PARD3: variants seen among roughly 807,000 people sequenced by gnomAD.
The protein encoded by PARD3 is partitioning defective 3 homolog.
In PARD3, 75 loss-of-function variants were observed where a neutral mutation model predicts 155.4. That is an observed-to-expected ratio of 0.48 (90% confidence interval 0.40 to 0.58). PARD3 has a LOEUF of 0.58. PARD3 is among the 20% of genes least tolerant of loss of function. The pLI is 0.00. For synonymous variants in PARD3, 576 were observed against 610.5 expected, an observed-to-expected ratio of 0.94 and a Z score of 0.83; for missense variants, 1,642 against 1,721.7, an observed-to-expected ratio of 0.95 and a Z score of 0.82.
chr10:34,736,015 C>T (rs1328900591), intron 1 of PARD3, among the ~76,000 whole-genome samples: 3 of 151,904 alleles, frequency 2.0e-5, no homozygotes, highest in Non-Finnish European at 4.4e-5. Context: ...TGAGCCACCA[C>T]ACCAAACTTG....
At chr10:34,273,692 A>T in intron 21 of PARD3, among the ~76,000 whole-genome samples, 1 of 152,238 alleles carries the variant, frequency 6.6e-6, no homozygotes. Context: ...CTATATTCAT[A>T]ACTTCCTATG....
chr10:34,309,812 G>C (rs1409249040), intron 20 of PARD3, among the ~76,000 whole-genome samples: 1 of 124,378 alleles, frequency 8.0e-6, no homozygotes, highest in African/African-American at 3.2e-5. Flanking sequence ...ATTATGAATT[G>C]CTTGCAGGAG....
chr10:34,744,783 G>A (rs1835100176), intron 1 of PARD3, among the ~76,000 whole-genome samples: 1 of 152,296 alleles, frequency 6.6e-6, no homozygotes, highest in Non-Finnish European at 1.5e-5. Context: ...TCCAAGATAA[G>A]CAAAATGCCA....
At chr10:34,213,947 T>C (rs916565051) in intron 22 of PARD3, among the ~76,000 whole-genome samples, 1 of 152,174 alleles carries the variant, frequency 6.6e-6, no homozygotes, top group African/African-American at 2.4e-5. Flanking sequence ...TAGAGTGCAG[T>C]TGCAGTGGTG....
At chr10:34,120,004 AT>A (rs1185067110) in intron 23 of PARD3, among the ~76,000 whole-genome samples, 739 of 73,796 alleles carry the variant, frequency 0.01, 2 homozygotes, top group African/African-American at 0.016. Context: ...GTCTTCTTTA[AT>A]TTTTTTTTTT....
chr10:34,380,996 G>A (rs1044422132), intron 9 of PARD3, among the ~76,000 whole-genome samples: 25 of 152,080 alleles, frequency 1.6e-4, no homozygotes, highest in Non-Finnish European at 8.8e-5. Context: ...AGAGCTAAAG[G>A]GGTTTCTGTT....
At chr10:34,401,619 T>G (rs1317950420) in intron 6 of PARD3, among the ~76,000 whole-genome samples, 1 of 152,204 alleles carries the variant, frequency 6.6e-6, no homozygotes, top group East Asian at 1.9e-4. Context: ...AACTCAGGAC[T>G]GGTACACATG....
chr10:34,190,512 A>G (rs1273355533), intron 22 of PARD3, among the ~76,000 whole-genome samples: 1 of 152,238 alleles, frequency 6.6e-6, no homozygotes, highest in Non-Finnish European at 1.5e-5. Flanking sequence ...TTACCCAAAT[A>G]ATAAACTAAA....
intron 20 of PARD3, among the ~76,000 whole-genome samples, chr10:34,299,944 G>A (rs982921025): frequency 3.3e-5 from 5 of 152,092 alleles, no homozygotes; most frequent in Non-Finnish European, 7.4e-5. Context: ...TGTCACAGTA[G>A]GAAAAACATA....
At chr10:34,362,390 T>C (rs1839535453) in intron 12 of PARD3, among the ~76,000 whole-genome samples, 1 of 152,218 alleles carries the variant, frequency 6.6e-6, no homozygotes, top group Admixed American at 6.5e-5. Context: ...AGATCAAATA[T>C]ATCAAATACT....
At position 34,616,455 on chromosome 10, in the gene PARD3, A is replaced by G. The variant is rs116554511; in HGVS notation, c.222+79863T>C. Among the ~76,000 whole-genome samples, 1,240 of 152,366 alleles carry G rather than the reference A, an allele frequency of 8.1e-3. 15 individuals carry two copies. Among genetic ancestry groups the G allele is most frequent in the African/African-American group, 0.028 (1,178 of 41,584 alleles). On this transcript the variant is annotated intron_variant, in intron 2 of 24. Coordinates refer to ENST00000374788, the MANE Select transcript of PARD3 (RefSeq NM_001184785.2). ...CCATGTTCACTGCGGCCTTATTCACAATAGACAAAATATTGGAATCAATCT... is the reference window on the plus strand; with the variant it reads ...CCATGTTCACTGCGGCCTTATTCACGATAGACAAAATATTGGAATCAATCT...
intron 1 of PARD3, among the ~76,000 whole-genome samples, chr10:34,793,184 C>T (rs752873220): frequency 1.2e-4 from 18 of 152,174 alleles, no homozygotes; most frequent in Admixed American, 2.6e-4. Flanking sequence ...AAAAGCACAG[C>T]TCTGGCAGCA....
At chr10:34,281,966 T>C (rs975857169) in intron 21 of PARD3, among the ~76,000 whole-genome samples, 10 of 152,072 alleles carry the variant, frequency 6.6e-5, no homozygotes, top group African/African-American at 2.4e-4. Context: ...AGTAGTGGTT[T>C]ATTTATTTTT....
intron 20 of PARD3, among the ~76,000 whole-genome samples, chr10:34,314,193 GAAA>G (rs34617785): frequency 5.6e-5 from 8 of 143,534 alleles, no homozygotes; most frequent in African/African-American, 2.1e-4. Flanking sequence ...GTTGTTAGGA[GAAA>G]AAAAAAAAAG....
At chr10:34,179,163 T>TGCGC (rs72150094) in intron 22 of PARD3, among the ~76,000 whole-genome samples, 1 of 131,066 alleles carries the variant, frequency 7.6e-6, no homozygotes, top group Non-Finnish European at 1.7e-5. Flanking sequence ...CGCATGTGCG[T>TGCGC]GCGCGCACAC....
chr10:34,635,046 A>G (rs982918189), intron 2 of PARD3, among the ~76,000 whole-genome samples: 38 of 152,366 alleles, frequency 2.5e-4, no homozygotes, highest in African/African-American at 9.1e-4. Context: ...AGATGGCATC[A>G]CGATGGCTCC....
At chr10:34,186,041 A>C (rs1050807697) in intron 22 of PARD3, among the ~76,000 whole-genome samples, 1 of 151,998 alleles carries the variant, frequency 6.6e-6, no homozygotes, top group African/African-American at 2.4e-5. Context: ...CCAGTGAAGG[A>C]GCTCAGCCTG....
intron 1 of PARD3, among the ~76,000 whole-genome samples, chr10:34,802,282 T>C (rs779465726): frequency 2.7e-5 from 4 of 149,888 alleles, no homozygotes; most frequent in Non-Finnish European, 5.9e-5. Flanking sequence ...AAAGCACTTT[T>C]AGAAAAAAAA....
intron 5 of PARD3, among the ~76,000 whole-genome samples, chr10:34,435,947 G>A (rs1352012661): frequency 2.6e-5 from 4 of 152,036 alleles, no homozygotes; most frequent in South Asian, 2.1e-4. Flanking sequence ...TTCTGTCCCC[G>A]TCATTCTACT....
Sources: allele counts gnomAD v4.1 joint callset (sites outside exome capture counted in the v4.1 genomes callset), GRCh38; gene constraint gnomAD v4.1.1; transcripts MANE v1.5; gene names NCBI Gene and HGNC (gene_info 2026-07-23, HGNC 2026-07-21).